Variants in FAT3 observed in about 807,000 individuals in gnomAD.
FAT3 encodes FAT atypical cadherin 3, also known as protocadherin Fat 3.
In FAT3, 95 loss-of-function variants were observed where a neutral mutation model predicts 310.2. The observed-to-expected ratio is 0.31, with a 90% CI of 0.26 to 0.36. The LOEUF is 0.36. Ranked by LOEUF, FAT3 falls within the 10% of genes least tolerant of loss-of-function variation. The probability of loss-of-function intolerance (pLI) is 1.00; values close to 1 mark genes in which losing one functional copy is unlikely to be tolerated. For synonymous variants in FAT3, 2,314 were observed against 2,192.9 expected (o/e 1.06, Z -1.54); for missense variants, 5,408 against 5,715.6 (o/e 0.95, Z 1.74).
At chr11:92,330,940 G>C (rs931383869) in intron 1 of FAT3, among the ~76,000 whole-genome samples, 3 of 150,920 alleles carry the variant, frequency 2.0e-5, no homozygotes, top group African/African-American at 7.3e-5. Flanking sequence ...GGGATTTCTT[G>C]TTAGGGAAAT....
chr11:92,347,278 C>T (rs1466688938), intron 1 of FAT3, among the ~76,000 whole-genome samples: 3 of 152,100 alleles, frequency 2.0e-5, no homozygotes, highest in Non-Finnish European at 2.9e-5. Flanking sequence ...AGTTTGAACA[C>T]GGGTCACCTT....
At chr11:92,882,585 T>TA (rs757060368) in intron 23 of FAT3, among the ~76,000 whole-genome samples, 153 bp from the exon 24 acceptor site, 20 of 93,176 alleles carry the variant, frequency 2.1e-4, no homozygotes, top group Non-Finnish European at 4.2e-4. Flanking sequence ...TAACTCCCCC[T>TA]CCCCCCCCCC....
At chr11:92,389,578 C>T (rs757182787) in intron 2 of FAT3, among the ~76,000 whole-genome samples, 4 of 152,132 alleles carry the variant, frequency 2.6e-5, no homozygotes, top group Non-Finnish European at 4.4e-5. Flanking sequence ...TAAGGCAGAA[C>T]GGACCTAGTT....
intron 2 of FAT3, among the ~76,000 whole-genome samples, chr11:92,430,864 T>G (rs1490136108): frequency 6.6e-6 from 1 of 152,196 alleles, no homozygotes; most frequent in East Asian, 1.9e-4. Context: ...GGCTGCATAG[T>G]ATTCCATGGT....
intron 1 of FAT3, among the ~76,000 whole-genome samples, chr11:92,263,076 C>T (rs1436034934): frequency 6.6e-6 from 1 of 151,740 alleles, no homozygotes; most frequent in Admixed American, 6.6e-5. Flanking sequence ...TCTCATCTAC[C>T]TGGGAATCCT....
chr11:92,803,457 TAGAG>T (rs1408551601), intron 10 of FAT3, among the ~76,000 whole-genome samples: 1 of 152,232 alleles, frequency 6.6e-6, no homozygotes, highest in Non-Finnish European at 1.5e-5. Context: ...AAGCATTTAA[TAGAG>T]AGGTTAAGTT....
Position 92,880,836 on chromosome 11 carries a change from T to C in FAT3, c.12233T>C (p.Ile4078Thr), listed in dbSNP as rs764522008. ...CGGAATGGAGGATCCTGCGATCCAA[T>C]AGGAAACACTTTCATCTGCAATTGT... ...PCRNGGSCDP[I>T]GNTFICNCKA... Residue 4078 changes from isoleucine (I) to threonine (T), a missense_variant, in exon 23 of 28, where the codon ATA becomes ACA. Ile to Thr is a moderately conservative substitution (Grantham distance 89, BLOSUM62 -1). Transcript: ENST00000525166. 6.2e-7 allele frequency: 1 copy of C among 1,613,898 alleles called. No homozygotes were observed. The highest frequency in any genetic ancestry group is 1.1e-5 in the South Asian group (1 of 91,070).
At chr11:92,672,497 C>G (rs1214368057) in intron 3 of FAT3, among the ~76,000 whole-genome samples, 1 of 152,128 alleles carries the variant, frequency 6.6e-6, no homozygotes, top group African/African-American at 2.4e-5. Flanking sequence ...TCTCTGGAAA[C>G]CATATTGTTG....
At chr11:92,455,854 G>A (rs1201517277) in intron 2 of FAT3, among the ~76,000 whole-genome samples, 3 of 152,046 alleles carry the variant, frequency 2.0e-5, no homozygotes, top group African/African-American at 7.2e-5. Flanking sequence ...TTGTTATTTG[G>A]CAAATATGTA....
At chr11:92,589,445 T>A (rs1939318334) in intron 3 of FAT3, among the ~76,000 whole-genome samples, 1 of 152,080 alleles carries the variant, frequency 6.6e-6, no homozygotes, top group Non-Finnish European at 1.5e-5. Context: ...CCACTCCATA[T>A]ATATGTGTTG....
intron 2 of FAT3, among the ~76,000 whole-genome samples, chr11:92,435,391 A>G (rs1048346038): frequency 6.6e-6 from 1 of 152,118 alleles, no homozygotes; most frequent in African/African-American, 2.4e-5. Context: ...TAGAGGTGAT[A>G]TGATAATACA....
intron 2 of FAT3, among the ~76,000 whole-genome samples, chr11:92,455,234 T>C (rs1354267937): frequency 6.6e-6 from 1 of 152,190 alleles, no homozygotes; most frequent in East Asian, 1.9e-4. Flanking sequence ...TTTTAAAGAT[T>C]GCAATTTGTC....
At chr11:92,465,123 A>G (rs1951728818) in intron 2 of FAT3, among the ~76,000 whole-genome samples, 1 of 152,186 alleles carries the variant, frequency 6.6e-6, no homozygotes, top group East Asian at 1.9e-4. Context: ...CAGCCGGGGT[A>G]CAATAATGGC....
intron 2 of FAT3, among the ~76,000 whole-genome samples, chr11:92,403,878 T>C (rs1950077859): frequency 6.6e-6 from 1 of 151,760 alleles, no homozygotes; most frequent in South Asian, 2.1e-4. Flanking sequence ...CTATGAAAAA[T>C]ACAAAATATT....
intron 1 of FAT3, among the ~76,000 whole-genome samples, chr11:92,239,838 C>A (rs1864600653): frequency 6.6e-6 from 1 of 152,070 alleles, no homozygotes; most frequent in Non-Finnish European, 1.5e-5. Flanking sequence ...ATCACAATTA[C>A]CCTCTGGCTT....
intron 3 of FAT3, among the ~76,000 whole-genome samples, chr11:92,585,132 C>T (rs539116615): frequency 1.3e-5 from 2 of 151,828 alleles, no homozygotes; most frequent in Non-Finnish European, 2.9e-5. Context: ...TCTTGATAAC[C>T]AAGATGTCCC....
intron 3 of FAT3, among the ~76,000 whole-genome samples, chr11:92,624,994 T>C (rs1336415519): frequency 7.2e-5 from 11 of 152,202 alleles, no homozygotes; most frequent in Admixed American, 7.2e-4. Flanking sequence ...ACACCAGTAA[T>C]ATTGGATTAG....
At chr11:92,380,906 GT>G (rs1334516581) in intron 2 of FAT3, among the ~76,000 whole-genome samples, 4 of 152,130 alleles carry the variant, frequency 2.6e-5, no homozygotes, top group Non-Finnish European at 5.9e-5. Context: ...CCATTTTAAA[GT>G]GTACCTTTCA....
chr11:92,592,904 C>A (rs1342634066), intron 3 of FAT3, among the ~76,000 whole-genome samples: 1 of 151,996 alleles, frequency 6.6e-6, no homozygotes, highest in Non-Finnish European at 1.5e-5. Context: ...CATTGTTGTA[C>A]AATCTTCAGA....
Sources: allele counts gnomAD v4.1 joint callset (sites outside exome capture counted in the v4.1 genomes callset), GRCh38; gene constraint gnomAD v4.1.1; transcripts MANE v1.5; gene names NCBI Gene and HGNC (gene_info 2026-07-23, HGNC 2026-07-21).